SRCAP: variants seen among roughly 807,000 people sequenced by gnomAD.
SRCAP encodes the protein Snf2 related CREBBP activator protein.
Under a neutral mutation model 263.1 loss-of-function variants are expected in SRCAP, and 46 were observed. The observed-to-expected ratio is 0.17, with a 90% CI of 0.14 to 0.22. The LOEUF is 0.22. SRCAP is among the 10% of genes least tolerant of loss of function. The pLI is 1.00. For missense variants in SRCAP, 3,695 were observed against 4,181.9 expected (o/e 0.88, Z 3.21); for synonymous variants, 1,813 against 1,662.1 (o/e 1.09, Z -2.21).
At chr16:30,726,159 CTTAGA>C (rs1430156418) in intron 25 of SRCAP, 2 of 152,146 alleles carry the variant, frequency 1.3e-5, no homozygotes, top group African/African-American at 4.8e-5. Flanking sequence ...GCATCTTCTA[CTTAGA>C]TTAATGTTCT....
Position 30,738,040 on chromosome 16 carries a change from C to G in SRCAP, c.8000C>G (p.Pro2667Arg), listed in dbSNP as rs140120040. 3.1e-6 allele frequency: 5 copies of G among 1,614,172 alleles called. No homozygotes were observed. The highest frequency in any genetic ancestry group is 1.3e-5 in the African/African-American group (1 of 75,040). Residue 2667 changes from proline to arginine, a missense_variant, in exon 34 of 34, where the codon CCA (proline) becomes CGA (arginine). By Grantham distance (103) the Pro-to-Arg change is moderately radical. Coordinates refer to ENST00000262518, the MANE Select transcript of SRCAP (RefSeq NM_006662.3). ...GCATCTGATGAGCCACTTCAGGAGC[C>G]ACTGGAGGCTGACAGGACCTCGGAA... ...SAASDEPLQE[P>R]LEADRTSEEL...
rs1413135855 is a variant in SRCAP, at chr16:30,721,473, C to T, written c.3538C>T (p.Pro1180Ser). The change falls in exon 21 of 34, where the codon CCC (proline) becomes TCC (serine). Residue 1180 changes from proline (P) to serine (S), a missense_variant. Around this residue, in one of 12 missense-constraint regions of SRCAP, gnomAD observed 1,347 missense variants for 1,304.4 expected, o/e 1.03. Transcript: ENST00000262518. ...ILSPDMQARL[P>S]SGEVVSIGQL... Reference sequence around the variant, plus strand: ...ATCTCCCGATATGCAGGCTCGCCTGCCCTGTAAGTTCCCAGGGCTCTGTGG... The same window carrying T: ...ATCTCCCGATATGCAGGCTCGCCTGTCCTGTAAGTTCCCAGGGCTCTGTGG... 1.2e-6 allele frequency: 2 copies of T among 1,608,430 alleles called. No individual in the cohort carries two copies. Among genetic ancestry groups the T allele is most frequent in the African/African-American group, 1.3e-5 (1 of 74,946 alleles).
chr16:30,739,291 C>G lies in SRCAP; in HGVS notation c.9251C>G (p.Ser3084Cys). 6.2e-7 allele frequency: 1 copy of G among 1,614,096 alleles called. No individual in the cohort carries two copies. The highest frequency in any genetic ancestry group is 8.5e-7 in the Non-Finnish European group (1 of 1,180,022). The change falls in exon 34 of 34, where the codon TCC (serine) becomes TGC (cysteine). Residue 3084 changes from serine (S) to cysteine (C), a missense_variant. Ser to Cys is a moderately radical substitution (Grantham distance 112, BLOSUM62 -1). Transcript: ENST00000262518. ...ATGCGAGGACGGAAGAGTGGAGGGT[C>G]CATGGTGGTGGCTGTAATTCAGGAT... Reference protein sequence around the residue: ...EGMRGRKSGGSMVVAVIQDDL... With the variant: ...EGMRGRKSGGCMVVAVIQDDL...
intron 18 of SRCAP, among the ~76,000 whole-genome samples, chr16:30,717,188 C>T (rs1042294329): frequency 1.3e-5 from 2 of 151,984 alleles, no homozygotes; most frequent in African/African-American, 4.8e-5. Context: ...GTTTGCATTT[C>T]CTTATTTCCT....
Position 30,733,021 on chromosome 16 carries a change from A to G in SRCAP, c.6128-259A>G, listed in dbSNP as rs2053127940. Among the ~76,000 whole-genome samples, 1 of 152,172 alleles carries G rather than the reference A, an allele frequency of 6.6e-6. No individual in the cohort carries two copies. On this transcript the variant is annotated intron_variant, in intron 27 of 33. Transcript: ENST00000262518. The surrounding 1 kb of genome is among the most constrained non-coding windows in gnomAD (Gnocchi z 5.3). ...CAGCTAATTTTTGTGTTTTTAGTAG[A>G]GACAGGGTCTCATCATGTTGGCCAG...
rs1596635696 is a variant in SRCAP at position 30,699,232 on chromosome 16, G to T, written c.-294G>T. On this transcript the variant is annotated 5_prime_UTR_variant, in exon 1 of 34. Transcript: ENST00000262518. ...AACCTGAAGTCAAGAGTTAAGGCTT[G>T]TTGGCTTCTGGTGAGCTCGGGTCTT... 4 of 398,780 alleles carry T rather than the reference G, an allele frequency of 1.0e-5. No individual in the cohort carries two copies. Among genetic ancestry groups the T allele is most frequent in the Non-Finnish European group, 1.8e-5 (4 of 226,168 alleles). The allele number at this position is 398,780 out of a possible 1,614,324, so 24.7% of individuals were successfully genotyped here. A position where few individuals can be genotyped will look rare whatever the true frequency, so the allele number is the denominator to read the frequency against.
chr16:30,707,448 A>T, intron 5 of SRCAP, 80 bp downstream of exon 5: 1 of 1,602,468 alleles, frequency 6.2e-7, no homozygotes, highest in Non-Finnish European at 8.5e-7. Context: ...GACCAGACAG[A>T]ATGGTGTAGG....
At chr16:30,704,493 T>G (rs1256483902) in intron 4 of SRCAP, among the ~76,000 whole-genome samples, 178 bp downstream of exon 4, 4 of 152,148 alleles carry the variant, frequency 2.6e-5, no homozygotes, top group African/African-American at 9.7e-5. Context: ...TTCCTTGCTG[T>G]AAATAAAATA....
At chr16:30,710,565 C>A (rs1315630951) in intron 8 of SRCAP, 189 bp from the exon 9 acceptor site, 1 of 782,732 alleles carries the variant, frequency 1.3e-6, no homozygotes. Flanking sequence ...CTTCCCCAGG[C>A]AGTGGGGCCA....
chr16:30,710,956 C>T, intron 9 of SRCAP, 43 bp from the exon 10 acceptor site: 3 of 1,601,080 alleles, frequency 1.9e-6, no homozygotes, highest in South Asian at 2.2e-5. Context: ...TCCTGTGCCT[C>T]TAGCCTCTAT....
At chr16:30,704,493 TAAATA>T (rs965264882) in intron 4 of SRCAP, among the ~76,000 whole-genome samples, 178 bp downstream of exon 4, 4 of 152,148 alleles carry the variant, frequency 2.6e-5, no homozygotes, top group African/African-American at 7.2e-5. Flanking sequence ...TTCCTTGCTG[TAAATA>T]AAATAGGAAT....
chr16:30,728,924 T>C (rs779788515), intron 25 of SRCAP, 42 bp from the exon 26 acceptor site: 1 of 1,577,216 alleles, frequency 6.3e-7, no homozygotes, highest in Admixed American at 1.8e-5. Flanking sequence ...TGATGTGGAC[T>C]CTGAGGGTGC....
At chr16:30,723,337 G>T in intron 24 of SRCAP, 108 bp downstream of exon 24, 1 of 1,468,578 alleles carries the variant, frequency 6.8e-7, no homozygotes, top group Non-Finnish European at 9.1e-7. Context: ...TCAGCGTACT[G>T]CCTTGATTTG....
rs2053216038 is a variant in SRCAP at position 30,740,734 on chromosome 16, C to G, written c.*1001C>G. On this transcript the variant is annotated 3_prime_UTR_variant, in exon 34 of 34. Transcript: ENST00000262518. ...TAAGAGCCCTGTTCATTTTTACATT[C>G]TCTGTTCACTCCCTGGGCCCTCCTT... 1 of 152,282 alleles carries G rather than the reference C, an allele frequency of 6.6e-6. No homozygotes were observed. The highest frequency in any genetic ancestry group is 1.5e-5 in the Non-Finnish European group (1 of 68,088). The allele number at this position is 152,282 out of a possible 1,614,324, so 9.4% of individuals were successfully genotyped here.
Position 30,709,543 on chromosome 16 carries a change from G to C in SRCAP, c.664G>C (p.Glu222Gln), listed in dbSNP as rs1385467684. ...VVQFKQQSRL[E>Q]EKRKKALDLH... is the part of the protein sequence containing the mutation. ...GCAATTCAAGCAACAGTCCCGGCTT[G>C]AGGAAAAGCGCAAAAAAGCCCTGGA... is the stretch of plus-strand genomic sequence containing the variant. Residue 222 changes from glutamate to glutamine, a missense_variant, in exon 7 of 34, where the codon GAG (glutamate) becomes CAG (glutamine). Glu to Gln is a conservative substitution (Grantham distance 29). Coordinates refer to ENST00000262518, the MANE Select transcript of SRCAP (RefSeq NM_006662.3). 6.2e-7 allele frequency: 1 copy of C among 1,614,190 alleles called. No individual in the cohort carries two copies. Among genetic ancestry groups the C allele is most frequent in the Non-Finnish European group, 8.5e-7 (1 of 1,180,038 alleles).
Position 30,710,020 on chromosome 16 carries a change from G to C in SRCAP, c.1026G>C (p.Gln342His). The change falls in exon 8 of 34, where the codon CAG (glutamine) becomes CAC (histidine). Residue 342 changes from glutamine (Q) to histidine (H), a missense_variant. Gln to His is a conservative substitution (Grantham distance 24). This residue lies in a region of SRCAP where 288 missense variants were observed against 302.4 expected (regional missense o/e 0.95). Coordinates refer to ENST00000262518, the MANE Select transcript of SRCAP (RefSeq NM_006662.3). ...LEELLRSLPP[Q>H]LLEGPSSPSQ... Reference sequence around the variant, plus strand: ...AGCTGCTCCGTTCCCTTCCCCCTCAGCTGTTGGAAGGGCCTTCCAGCCCCT... The same window carrying C: ...AGCTGCTCCGTTCCCTTCCCCCTCACCTGTTGGAAGGGCCTTCCAGCCCCT... 1 of 1,614,176 alleles carries C rather than the reference G, an allele frequency of 6.2e-7. No homozygotes were observed. Among genetic ancestry groups the C allele is most frequent in the Non-Finnish European group, 8.5e-7 (1 of 1,180,036 alleles).
chr16:30,725,241 C>T lies in SRCAP; in HGVS notation c.5658+159C>T. The stretch of plus-strand genomic sequence containing the variant: ...ACATTTGGACAAGTCCCTTCTCTTC[C>T]CTGGGCGTGTACCTCATGATCCGCC... On this transcript the variant is annotated intron_variant, in intron 25 of 33. Coordinates refer to ENST00000262518, the MANE Select transcript of SRCAP (RefSeq NM_006662.3). 2.2e-6 allele frequency: 3 copies of T among 1,385,638 alleles called. No individual in the cohort carries two copies. The East Asian group carries it at 7.7e-5, about 36-fold the overall frequency. The allele number at this position is 1,385,638 out of a possible 1,614,324, so 85.8% of individuals were successfully genotyped here.
Position 30,737,928 on chromosome 16 carries a change from G to A in SRCAP, c.7888G>A (p.Gly2630Arg). ...QEQEAPDSAE[G>R]TTLTVLPEGE... ...GCAGGAGGCACCAGATTCTGCTGAG[G>A]GGACCACCCTTACAGTGCTGCCTGA... The change falls in exon 34 of 34, where the codon GGG becomes AGG. Residue 2630 changes from glycine to arginine, a missense_variant. Coordinates refer to ENST00000262518, the MANE Select transcript of SRCAP (RefSeq NM_006662.3). The A allele has an allele frequency of 6.2e-7, 1 of 1,614,220 alleles. No individual in the cohort carries two copies. The highest frequency in any genetic ancestry group is 8.5e-7 in the Non-Finnish European group (1 of 1,180,042).
chr16:30,713,084 C>A, intron 14 of SRCAP, 124 bp from the exon 15 acceptor site: 4 of 1,156,454 alleles, frequency 3.5e-6, no homozygotes, highest in Non-Finnish European at 3.7e-6. Context: ...TCGCTCCATT[C>A]TTTTGCTGGG....
Sources: gnomAD v4.1 joint callset for allele counts (sites outside exome capture counted in the v4.1 genomes callset) on GRCh38, gnomAD v4.1.1 for gene constraint, gnomAD v4.1.1 regional missense constraint, Gnocchi (gnomAD v3.1) non-coding constraint, MANE v1.5 for transcripts, NCBI Gene and HGNC (gene_info 2026-07-23, HGNC 2026-07-21) for gene names.